Variants in SMPD3 observed in about 807,000 individuals in gnomAD.
SMPD3 encodes nSMase-2.
SMPD3 carries 21 observed loss-of-function variants against 55.7 expected under a neutral mutation model. The ratio of observed to expected loss-of-function variants is 0.38; its 90% confidence interval spans 0.27 to 0.54. The LOEUF is 0.54. SMPD3 is among the 20% of genes least tolerant of loss of function. The pLI is 0.80. For missense variants in SMPD3, 842 were observed against 899.6 expected (o/e 0.94, Z 0.82); for synonymous variants, 457 against 404.3 (o/e 1.13, Z -1.56).
Position 68,372,314 on chromosome 16 carries a change from G to T in SMPD3, c.-133C>A. ...CACCTCCTGGCGAGATGCAACTCCG[G>T]CTGGTCAATGGCGAATGTTGGCCAG... On this transcript the variant is annotated 5_prime_UTR_variant, in exon 3 of 9. Coordinates refer to ENST00000219334, the MANE Select transcript of SMPD3 (RefSeq NM_018667.4). 2 of 1,202,362 alleles carry T rather than the reference G, an allele frequency of 1.7e-6. No homozygotes were observed. The highest frequency in any genetic ancestry group is 2.3e-6 in the Non-Finnish European group (2 of 853,678). The allele number at this position is 1,202,362 out of a possible 1,614,324, so 74.5% of individuals were successfully genotyped here.
intron 3 of SMPD3, chr16:68,367,515 G>C (rs1343019068): frequency 6.6e-6 from 1 of 152,288 alleles, no homozygotes; most frequent in Non-Finnish European, 1.5e-5. Context: ...CCTGTTTGTT[G>C]GTCTTAAGGC....
At chr16:68,395,652 G>A (rs1303671277) in intron 1 of SMPD3, among the ~76,000 whole-genome samples, 1 of 152,174 alleles carries the variant, frequency 6.6e-6, no homozygotes, top group Non-Finnish European at 1.5e-5. Flanking sequence ...GTGGCAGCTA[G>A]CTGAGCACCA....
intron 1 of SMPD3, among the ~76,000 whole-genome samples, chr16:68,407,028 A>C (rs1337554463): frequency 6.6e-6 from 1 of 152,176 alleles, no homozygotes; most frequent in Admixed American, 6.5e-5. Flanking sequence ...TGTGGTCTTT[A>C]GATTCCTGCT....
At chr16:68,376,547 T>C (rs1398772404) in intron 2 of SMPD3, among the ~76,000 whole-genome samples, 1 of 152,266 alleles carries the variant, frequency 6.6e-6, no homozygotes, top group African/African-American at 2.4e-5. Flanking sequence ...GGGCTCCTTA[T>C]TTTGAAGTCC....
chr16:68,430,893 G>A (rs771911939), intron 1 of SMPD3, among the ~76,000 whole-genome samples: 2 of 152,204 alleles, frequency 1.3e-5, no homozygotes, highest in Non-Finnish European at 2.9e-5. Flanking sequence ...AGAATGTCGT[G>A]TCAAGTGGAT....
chr16:68,410,967 T>G (rs534905253), intron 1 of SMPD3, among the ~76,000 whole-genome samples: 1 of 152,368 alleles, frequency 6.6e-6, no homozygotes, highest in Admixed American at 6.5e-5. Flanking sequence ...CAGTGAGTTC[T>G]GCCTAAGCAG....
At chr16:68,376,111 A>T (rs1284025492) in intron 2 of SMPD3, among the ~76,000 whole-genome samples, 1 of 152,336 alleles carries the variant, frequency 6.6e-6, no homozygotes, top group East Asian at 1.9e-4. Context: ...AAATGAAAGG[A>T]GGGTAAATAA....
At chr16:68,431,460 G>T (rs913043653) in intron 1 of SMPD3, among the ~76,000 whole-genome samples, 1 of 152,196 alleles carries the variant, frequency 6.6e-6, no homozygotes. Context: ...AAGCTGTCTT[G>T]CTGGCGATTG....
intron 3 of SMPD3, chr16:68,368,697 A>G (rs1597598658): frequency 6.6e-6 from 1 of 152,614 alleles, no homozygotes. Context: ...GGCTGGGGGG[A>G]GAGGTCTGGG....
chr16:68,363,852 G>C lies in SMPD3; in HGVS notation c.1570C>G (p.Gln524Glu). 6.4e-7 allele frequency: 1 copy of C among 1,565,372 alleles called. No individual in the cohort carries two copies. Among genetic ancestry groups the C allele is most frequent in the Non-Finnish European group, 8.7e-7 (1 of 1,154,854 alleles). The change falls in exon 6 of 9, where the codon CAG (glutamine) becomes GAG (glutamate). Residue 524 changes from glutamine to glutamate, a missense_variant. Coordinates refer to ENST00000219334, the MANE Select transcript of SMPD3 (RefSeq NM_018667.4). ...TAGTGGGTGAACAGGGAGTGTTGCT[G>C]CTCCAGCTTGTCGTCTGTGCGGGGA... ...DNCSSDDKLE[Q>E]QHSLFTHYRD...
At chr16:68,372,877 G>C (rs1366515863) in intron 2 of SMPD3, among the ~76,000 whole-genome samples, 1 of 152,204 alleles carries the variant, frequency 6.6e-6, no homozygotes, top group Non-Finnish European at 1.5e-5. Flanking sequence ...GGACAGAGCA[G>C]GAAAAAACAG....
At chr16:68,439,070 C>G (rs1344751989) in intron 1 of SMPD3, among the ~76,000 whole-genome samples, 1 of 152,190 alleles carries the variant, frequency 6.6e-6, no homozygotes, top group Non-Finnish European at 1.5e-5. Context: ...AGTATTGTCT[C>G]TAAGCATTTT....
rs976719615 is a variant in SMPD3 at position 68,360,867 on chromosome 16, C to T, written c.*339G>A. The T allele has an allele frequency of 4.4e-5, 11 of 252,406 alleles. No individual in the cohort carries two copies. The highest frequency in any genetic ancestry group is 8.4e-5 in the Non-Finnish European group (11 of 130,574). 15.6% of individuals were successfully genotyped at this position (252,406 alleles called of 1,614,324 possible). A position where few individuals can be genotyped will look rare whatever the true frequency, so the allele number is the denominator to read the frequency against. ...GCAGACAAAAATAAAGAACCCTGGA[C>T]GAAGCTTAAGAGGAGATACAGAGAG... On this transcript the variant is annotated 3_prime_UTR_variant, in exon 9 of 9. Coordinates refer to ENST00000219334, the MANE Select transcript of SMPD3 (RefSeq NM_018667.4).
chr16:68,419,012 G>T (rs1017359030), intron 1 of SMPD3, among the ~76,000 whole-genome samples: 1 of 152,170 alleles, frequency 6.6e-6, no homozygotes, highest in African/African-American at 2.4e-5. Context: ...AGTGTGGCAT[G>T]AGGGCAAAGC....
At chr16:68,363,668 A>C (rs1015406017) in intron 6 of SMPD3, 109 bp from the exon 7 acceptor site, 2 of 1,448,690 alleles carry the variant, frequency 1.4e-6, no homozygotes, top group Non-Finnish European at 1.9e-6. Flanking sequence ...GGGGCAGCTG[A>C]ATGGGGCCCT....
At chr16:68,428,424 C>A (rs998832833) in intron 1 of SMPD3, among the ~76,000 whole-genome samples, 3 of 152,224 alleles carry the variant, frequency 2.0e-5, no homozygotes, top group Non-Finnish European at 4.4e-5. Flanking sequence ...CCCGCTCCTG[C>A]CCCATTCTGC....
At chr16:68,393,118 C>G (rs554137802) in intron 1 of SMPD3, among the ~76,000 whole-genome samples, 81 of 152,040 alleles carry the variant, frequency 5.3e-4, no homozygotes, top group Non-Finnish European at 9.4e-4. Context: ...GAAAATGGAC[C>G]AGGAGGCTGG....
At chr16:68,427,946 C>A (rs2090449409) in intron 1 of SMPD3, among the ~76,000 whole-genome samples, 1 of 152,136 alleles carries the variant, frequency 6.6e-6, no homozygotes, top group Non-Finnish European at 1.5e-5. Context: ...CCCAGAAATG[C>A]AAAGGAAAGA....
At position 68,372,064 on chromosome 16, in the gene SMPD3, G is replaced by T. The variant is rs1488830807; in HGVS notation, c.118C>A (p.Pro40Thr). 6.2e-7 allele frequency: 1 copy of T among 1,607,876 alleles called. No homozygotes were observed. Among genetic ancestry groups the T allele is most frequent in the Admixed American group, 1.7e-5 (1 of 58,576 alleles). Residue 40 changes from proline to threonine, a missense_variant, in exon 3 of 9, where the codon CCC (proline) becomes ACC (threonine). Physicochemically the swap from Pro to Thr is conservative, Grantham distance 38 (BLOSUM62 -1). Around this residue, in one of 2 missense-constraint regions of SMPD3, gnomAD observed 193 missense variants for 256.0 expected, o/e 0.75. Coordinates refer to ENST00000219334, the MANE Select transcript of SMPD3 (RefSeq NM_018667.4). Reference protein sequence around the residue: ...LVDRLAASFIPTTYEKRQRAD... With the variant: ...LVDRLAASFITTTYEKRQRAD... ...CGCTGGCGCTTCTCGTAGGTGGTGG[G>T]TATGAAGGAGGCAGCGAGCCGGTCC...
Sources: gnomAD v4.1 joint callset for allele counts (sites outside exome capture counted in the v4.1 genomes callset) on GRCh38, gnomAD v4.1.1 for gene constraint, gnomAD v4.1.1 regional missense constraint, MANE v1.5 for transcripts, NCBI Gene and HGNC (gene_info 2026-07-23, HGNC 2026-07-21) for gene names.